ZNF813: variants seen among roughly 807,000 people sequenced by gnomAD.
ZNF813 encodes the protein zinc finger protein 813.
In ZNF813, 3 loss-of-function variants were observed where a neutral mutation model predicts 7.2. The ratio of observed to expected loss-of-function variants is 0.42; its 90% confidence interval spans 0.19 to 1.08. ZNF813 has a LOEUF of 1.08. Ranked by LOEUF, ZNF813 falls within the 50% of genes least tolerant of loss-of-function variation. The pLI is 0.30. For missense variants in ZNF813, 714 were observed against 753.3 expected, an observed-to-expected ratio of 0.95 and a Z score of 0.61; for synonymous variants, 227 against 256.3, an observed-to-expected ratio of 0.89 and a Z score of 1.09.
rs1476702718 is a variant in ZNF813, at chr19:53,492,378, A to G, written c.*292A>G. ...TTCATACTGGAGAGAAAGCTTACAA[A>G]GGTGAAGAATATCACAGAGTTTTCA... On this transcript the variant is annotated 3_prime_UTR_variant, in exon 4 of 4. Transcript: ENST00000396403. The G allele has an allele frequency of 3.8e-6, 2 of 528,328 alleles. No individual in the cohort carries two copies. Among genetic ancestry groups the G allele is most frequent in the Admixed American group, 3.3e-5 (1 of 29,986 alleles). 32.7% of individuals were successfully genotyped at this position (528,328 alleles called of 1,614,324 possible). A position where few individuals can be genotyped will look rare whatever the true frequency, so the allele number is the denominator to read the frequency against.
chr19:53,489,374 G>A (rs1358939555), intron 3 of ZNF813, among the ~76,000 whole-genome samples: 11 of 152,086 alleles, frequency 7.2e-5, no homozygotes, highest in East Asian at 2.0e-4. Context: ...AAGCTGAGGC[G>A]GGTGGATCAT....
At position 53,481,344 on chromosome 19, in the gene ZNF813, C is replaced by CTTTTTTTTTTTTTTTTTT. The variant is rs66842546; in HGVS notation, c.-73-2404_-73-2387dup. 6.8e-4 allele frequency among the ~76,000 whole-genome samples: 72 copies of CTTTTTTTTTTTTTTTTTT among 106,364 alleles called. 1 individual carries two copies. The highest frequency in any genetic ancestry group is 1.7e-3 in the African/African-American group (42 of 24,664). The allele number at this position is 106,364 out of a possible 152,430, so 69.8% of individuals were successfully genotyped here. ...GCTATTCTAAAAGCACCCATGTATT[C>CTTTTTTTTTTTTTTTTTT]TTTTTTTTTTTTTTTTTTTGAGATG... On this transcript the variant is annotated intron_variant, in intron 1 of 3. Transcript: ENST00000396403.
At chr19:53,489,700 G>C (rs185361477) in intron 3 of ZNF813, among the ~76,000 whole-genome samples, 1 of 152,212 alleles carries the variant, frequency 6.6e-6, no homozygotes, top group East Asian at 1.9e-4. Context: ...GAAAAATATT[G>C]TATTAACTTT....
intron 1 of ZNF813, among the ~76,000 whole-genome samples, chr19:53,482,594 G>A (rs1354177099): frequency 6.6e-6 from 1 of 151,880 alleles, no homozygotes; most frequent in South Asian, 2.1e-4. Flanking sequence ...TCAGGTCTAG[G>A]CTCAGAGCTG....
intron 3 of ZNF813, 112 bp from the exon 4 acceptor site, chr19:53,490,263 A>C: frequency 8.0e-7 from 1 of 1,245,524 alleles, no homozygotes; most frequent in Non-Finnish European, 1.1e-6. Context: ...TAAACTTTGA[A>C]GATCATGTTG....
chr19:53,475,439 C>G (rs1182870952), intron 1 of ZNF813, among the ~76,000 whole-genome samples: 2 of 152,286 alleles, frequency 1.3e-5, no homozygotes, highest in Non-Finnish European at 2.9e-5. Flanking sequence ...AATACCTCGT[C>G]TACTGTTTTG....
At chr19:53,471,125 T>C (rs1035807579) in intron 1 of ZNF813, among the ~76,000 whole-genome samples, 1 of 152,208 alleles carries the variant, frequency 6.6e-6, no homozygotes, top group African/African-American at 2.4e-5. Context: ...TTTTTTTCTT[T>C]AATTTTATTG....
Position 53,472,813 on chromosome 19 carries a change from T to G in ZNF813, c.-74+5024T>G, listed in dbSNP as rs368863823. ...TTTTATTCAAGACGGGGTTGTTCCA[T>G]GTTGGTGTGGCTGGTCTCGAACTCC... is the stretch of plus-strand genomic sequence containing the variant. On this transcript the variant is annotated intron_variant, in intron 1 of 3. Coordinates refer to ENST00000396403, the MANE Select transcript of ZNF813 (RefSeq NM_001004301.4). Among the ~76,000 whole-genome samples, 20 of 152,138 alleles carry G rather than the reference T, an allele frequency of 1.3e-4. No homozygotes were observed. In the South Asian group the frequency reaches 3.9e-3, roughly 30 times the overall value.
At chr19:53,471,072 G>A (rs77941814) in intron 1 of ZNF813, among the ~76,000 whole-genome samples, 1 of 152,088 alleles carries the variant, frequency 6.6e-6, no homozygotes, top group Non-Finnish European at 1.5e-5. Context: ...TGTCTTTCTA[G>A]TCTTCTATTT....
At chr19:53,480,876 G>A (rs577152798) in intron 1 of ZNF813, among the ~76,000 whole-genome samples, 13 of 152,246 alleles carry the variant, frequency 8.5e-5, no homozygotes, top group African/African-American at 2.2e-4. Flanking sequence ...GAACTCTGGC[G>A]GAGTCAAAGG....
intron 2 of ZNF813, 87 bp from the exon 3 acceptor site, chr19:53,486,545 A>G: frequency 1.2e-6 from 2 of 1,608,240 alleles, no homozygotes; most frequent in Non-Finnish European, 1.7e-6. Flanking sequence ...AATTAAATCC[A>G]TGCTTTCCCC....
At position 53,495,525 on chromosome 19, in the gene ZNF813, A is replaced by G. The variant is rs1166990998; in HGVS notation, c.*3439A>G. 2.0e-5 allele frequency: 3 copies of G among 152,208 alleles called. No individual in the cohort carries two copies. Among genetic ancestry groups the G allele is most frequent in the African/African-American group, 7.2e-5 (3 of 41,424 alleles). 9.4% of individuals were successfully genotyped at this position (152,208 alleles called of 1,614,324 possible). A position where few individuals can be genotyped will look rare whatever the true frequency, so the allele number is the denominator to read the frequency against. ...GCATGAGCCACCATGCCCCTTGCAC[A>G]TCAGTTTTACAAAAAAATTTATCTT... On this transcript the variant is annotated 3_prime_UTR_variant, in exon 4 of 4. Transcript: ENST00000396403.
intron 1 of ZNF813, among the ~76,000 whole-genome samples, chr19:53,478,414 T>G (rs2147156953): frequency 6.6e-6 from 1 of 152,172 alleles, no homozygotes; most frequent in East Asian, 1.9e-4. Flanking sequence ...TCAAAGGATC[T>G]TTCTGCCTTG....
chr19:53,470,399 T>TTGC (rs142834935), intron 1 of ZNF813, among the ~76,000 whole-genome samples: 1 of 149,830 alleles, frequency 6.7e-6, no homozygotes, highest in Non-Finnish European at 1.5e-5. Flanking sequence ...TTTTCTCCCT[T>TTGC]TGCTTTTTAT....
At chr19:53,480,539 T>C (rs1436481164) in intron 1 of ZNF813, among the ~76,000 whole-genome samples, 11 of 152,324 alleles carry the variant, frequency 7.2e-5, no homozygotes, top group Non-Finnish European at 1.2e-4. Context: ...TAGTTGCATC[T>C]GGTTCAGATC....
chr19:53,475,028 G>A (rs753138245), intron 1 of ZNF813, among the ~76,000 whole-genome samples: 1 of 152,018 alleles, frequency 6.6e-6, no homozygotes, highest in Non-Finnish European at 1.5e-5. Context: ...TTGCCATTTG[G>A]TGCCCTCTGC....
intron 1 of ZNF813, among the ~76,000 whole-genome samples, chr19:53,482,004 C>G (rs1295086440): frequency 6.6e-6 from 1 of 152,132 alleles, no homozygotes; most frequent in Non-Finnish European, 1.5e-5. Context: ...TTCTCTTTCT[C>G]TGAGCCCCAG....
At chr19:53,475,357 C>T (rs2086377236) in intron 1 of ZNF813, among the ~76,000 whole-genome samples, 1 of 152,292 alleles carries the variant, frequency 6.6e-6, no homozygotes, top group Non-Finnish European at 1.5e-5. Context: ...TAGCACAGAA[C>T]TACTTCCACC....
At chr19:53,474,688 C>CAA (rs145174944) in intron 1 of ZNF813, among the ~76,000 whole-genome samples, 4,568 of 145,584 alleles carry the variant, frequency 0.031, 149 homozygotes, top group African/African-American at 0.084. Context: ...GACTCAATCT[C>CAA]AAAAAAAAAA....
Sources: allele counts gnomAD v4.1 joint callset (sites outside exome capture counted in the v4.1 genomes callset), GRCh38; gene constraint gnomAD v4.1.1; transcripts MANE v1.5; gene names NCBI Gene and HGNC (gene_info 2026-07-23, HGNC 2026-07-21).